PNPLA1: variants seen among roughly 807,000 people sequenced by gnomAD.
PNPLA1 encodes the protein omega-hydroxyceramide transacylase.
In PNPLA1, 36 loss-of-function variants were observed where a neutral mutation model predicts 51.7. The observed-to-expected ratio is 0.70, with a 90% CI of 0.53 to 0.92. The LOEUF is 0.92. PNPLA1 is among the 40% of genes least tolerant of loss of function. PNPLA1 has a pLI of 0.00. For missense variants in PNPLA1, 658 were observed against 682.5 expected (o/e 0.96, Z 0.40); for synonymous variants, 293 against 280.1 (o/e 1.05, Z -0.46).
intron 1 of PNPLA1, among the ~76,000 whole-genome samples, chr6:36,286,986 T>C (rs746928203): frequency 9.2e-5 from 14 of 152,102 alleles, no homozygotes; most frequent in Non-Finnish European, 1.6e-4. Flanking sequence ...ACACCCAGCA[T>C]TGACCCAGCA....
intron 1 of PNPLA1, among the ~76,000 whole-genome samples, chr6:36,288,472 G>A (rs1190464116): frequency 1.4e-5 from 2 of 144,274 alleles, no homozygotes; most frequent in East Asian, 2.1e-4. Flanking sequence ...TTGAGACGGA[G>A]TCTCGCTCTG....
At chr6:36,253,439 G>A (rs1451067526) in intron 1 of PNPLA1, among the ~76,000 whole-genome samples, 2 of 152,014 alleles carry the variant, frequency 1.3e-5, no homozygotes, top group Non-Finnish European at 2.9e-5. Flanking sequence ...GTCAAATATC[G>A]AAAACAGTGA....
In PNPLA1 at chr6:36,294,476, C is replaced by T; in HGVS notation, c.714+77C>T. 1 of 1,367,254 alleles carries T rather than the reference C, an allele frequency of 7.3e-7. No individual in the cohort carries two copies. The highest frequency in any genetic ancestry group is 2.3e-5 in the East Asian group (1 of 43,316). 84.7% of individuals were successfully genotyped at this position (1,367,254 alleles called of 1,614,324 possible). On this transcript the variant is annotated intron_variant, in intron 4 of 8. Coordinates refer to ENST00000636260, the MANE Select transcript of PNPLA1 (RefSeq NM_001374623.1). This position sits in a 1 kb window ranked among gnomAD's most constrained non-coding sequence, Gnocchi z 4.2. ...GTGGGGTTAGAGAGCCACTGGGGCC[C>T]ACTCAAGTTCCATCTGAGTCTCCTC...
At chr6:36,308,926 T>TG (rs1771324781) in intron 8 of PNPLA1, among the ~76,000 whole-genome samples, 1 of 152,166 alleles carries the variant, frequency 6.6e-6, no homozygotes, top group African/African-American at 2.4e-5. Flanking sequence ...GCCCAGGAGT[T>TG]GGAGTCTGGG....
At chr6:36,243,799 G>T (rs936289711) in intron 1 of PNPLA1, among the ~76,000 whole-genome samples, 2 of 152,214 alleles carry the variant, frequency 1.3e-5, no homozygotes, top group Admixed American at 6.5e-5. Context: ...CTGGGGAATT[G>T]CATGGGAAAG....
chr6:36,303,112 T>TC (rs71540150), intron 6 of PNPLA1, among the ~76,000 whole-genome samples: 17,607 of 152,272 alleles, frequency 0.12, 1,147 homozygotes, highest in Non-Finnish European at 0.16. Flanking sequence ...ATTTTTTTTT[T>TC]TAGATGGAAT....
chr6:36,302,613 G>A (rs1409600329), intron 6 of PNPLA1, 144 bp downstream of exon 6: 5 of 1,167,328 alleles, frequency 4.3e-6, no homozygotes, highest in Admixed American at 5.1e-5. Context: ...TCCATTATGA[G>A]GACAGTCCGC....
At chr6:36,257,283 T>C (rs886599765) in intron 1 of PNPLA1, among the ~76,000 whole-genome samples, 4 of 152,230 alleles carry the variant, frequency 2.6e-5, no homozygotes, top group African/African-American at 9.6e-5. Context: ...GTTAGTAACA[T>C]AAAATCCAAA....
chr6:36,284,136 G>T (rs1770403050), intron 1 of PNPLA1, among the ~76,000 whole-genome samples: 1 of 152,314 alleles, frequency 6.6e-6, no homozygotes, highest in East Asian at 1.9e-4. Flanking sequence ...GAGGGCTGAG[G>T]CCCCAGGCCC....
At chr6:36,265,006 A>G (rs1369340537) in intron 1 of PNPLA1, among the ~76,000 whole-genome samples, 1 of 152,198 alleles carries the variant, frequency 6.6e-6, no homozygotes, top group Non-Finnish European at 1.5e-5. Flanking sequence ...AAATTAAGTC[A>G]CACACCTCAA....
rs752989735 is a variant in PNPLA1 at position 36,294,300 on chromosome 6, G to T, written c.615G>T (p.Pro205=). Residue 205 remains proline, a synonymous_variant, in exon 4 of 9, where the codon CCG becomes CCT. Coordinates refer to ENST00000636260, the MANE Select transcript of PNPLA1 (RefSeq NM_001374623.1). The surrounding 1 kb of genome is among the most constrained non-coding windows in gnomAD (Gnocchi z 4.2). ...GQQDICPRDC[P]AIFHDFRMFN... ...AGGACATCTGTCCCCGGGACTGCCCGGCCATCTTCCACGACTTCCGCATGT... is the reference window on the plus strand; with the variant it reads ...AGGACATCTGTCCCCGGGACTGCCCTGCCATCTTCCACGACTTCCGCATGT... 13 of 1,614,182 alleles carry T rather than the reference G, an allele frequency of 8.1e-6. No homozygotes were observed. The highest frequency in any genetic ancestry group is 1.1e-5 in the South Asian group (1 of 91,088).
At chr6:36,292,824 C>T (rs1399289115) in intron 2 of PNPLA1, among the ~76,000 whole-genome samples, 1 of 152,170 alleles carries the variant, frequency 6.6e-6, no homozygotes. Flanking sequence ...TATGGAGGAC[C>T]CCCTCCTGCT....
Position 36,294,696 on chromosome 6 carries a change from AG to A in PNPLA1, c.714+299del, listed in dbSNP as rs1406978028. Among the ~76,000 whole-genome samples the A allele has an allele frequency of 6.6e-6, 1 of 152,224 alleles. No individual in the cohort carries two copies. The highest frequency in any genetic ancestry group is 1.5e-5 in the Non-Finnish European group (1 of 68,036). ...TCAGACAGTTCATGTCCCAAATCAA[AG>A]GTCGGCAAGCTGCAGCCCACGGGCC... On this transcript the variant is annotated intron_variant, in intron 4 of 8. Coordinates refer to ENST00000636260, the MANE Select transcript of PNPLA1 (RefSeq NM_001374623.1). The surrounding 1 kb of genome is among the most constrained non-coding windows in gnomAD (Gnocchi z 4.2).
At position 36,270,282 on chromosome 6, in the gene PNPLA1, G is replaced by A. The variant is rs1190341047; in HGVS notation, c.-178G>A. 1.3e-5 allele frequency among the ~76,000 whole-genome samples: 2 copies of A among 152,268 alleles called. No homozygotes were observed. The highest frequency in any genetic ancestry group is 2.9e-5 in the Non-Finnish European group (2 of 68,042). ...GCCTCCTGGCGGAGCTTAACAGGCT[G>A]AGGCAGCTTCCTGAGCAGCCTGTGG... On this transcript the variant is annotated 5_prime_UTR_variant, in exon 1 of 9. Coordinates refer to ENST00000636260, the MANE Select transcript of PNPLA1 (RefSeq NM_001374623.1).
At chr6:36,263,614 C>T (rs982870272) in intron 1 of PNPLA1, among the ~76,000 whole-genome samples, 1 of 152,222 alleles carries the variant, frequency 6.6e-6, no homozygotes, top group Non-Finnish European at 1.5e-5. Context: ...CGAGCAACTC[C>T]TTGCAGAGTT....
intron 1 of PNPLA1, among the ~76,000 whole-genome samples, chr6:36,257,448 C>A (rs1582031471): frequency 1.3e-5 from 2 of 152,224 alleles, no homozygotes; most frequent in African/African-American, 4.8e-5. Flanking sequence ...AGCACATAGG[C>A]CTTGTCCTCA....
chr6:36,303,470 C>A (rs553260433), intron 6 of PNPLA1, among the ~76,000 whole-genome samples: 5 of 152,180 alleles, frequency 3.3e-5, no homozygotes, highest in Non-Finnish European at 7.3e-5. Flanking sequence ...AAAGATAAAA[C>A]GTTCTCAATT....
chr6:36,285,886 T>C (rs1412220137), intron 1 of PNPLA1, among the ~76,000 whole-genome samples: 1 of 152,106 alleles, frequency 6.6e-6, no homozygotes, highest in African/African-American at 2.4e-5. Context: ...AGAGGGAGTG[T>C]CTCCCAGTCA....
upstream of PNPLA1, among the ~76,000 whole-genome samples, chr6:36,266,239 C>T (rs912824534): frequency 3.3e-4 from 51 of 152,360 alleles, no homozygotes; most frequent in African/African-American, 1.1e-3. Context: ...CGAGAACCAC[C>T]TGCTAAGCCA....
Sources: gnomAD v4.1 joint callset for allele counts (sites outside exome capture counted in the v4.1 genomes callset) on GRCh38, gnomAD v4.1.1 for gene constraint, Gnocchi (gnomAD v3.1) non-coding constraint, MANE v1.5 for transcripts, NCBI Gene and HGNC (gene_info 2026-07-23, HGNC 2026-07-21) for gene names.